SLC14A2: variants seen among roughly 807,000 people sequenced by gnomAD.
SLC14A2 encodes urea transporter 2.
Under a neutral mutation model 104.6 loss-of-function variants are expected in SLC14A2, and 91 were observed. That is an observed-to-expected ratio of 0.87 (90% CI 0.73 to 1.04). The LOEUF is 1.04. Ranked by LOEUF, SLC14A2 falls within the 50% of genes least tolerant of loss-of-function variation. The pLI, the probability that SLC14A2 is intolerant of heterozygous loss-of-function variation, is 0.00. For synonymous variants in SLC14A2, 476 were observed against 466.4 expected, an observed-to-expected ratio of 1.02 and a Z score of -0.27; for missense variants, 1,189 against 1,156.0, an observed-to-expected ratio of 1.03 and a Z score of -0.41.
chr18:45,191,498 G>A, the SLC14A2 span, among the ~76,000 whole-genome samples: 1 of 152,106 alleles, frequency 6.6e-6, no homozygotes, highest in Admixed American at 6.5e-5. Context: ...TTCAATTATG[G>A]AACAATTTCT....
At chr18:45,304,293 A>G (rs2084996325) in intron 1 of SLC14A2, among the ~76,000 whole-genome samples, 1 of 152,210 alleles carries the variant, frequency 6.6e-6, no homozygotes, top group African/African-American at 2.4e-5. Flanking sequence ...ACAATGTGAG[A>G]CTATTCCTTG....
At chr18:45,314,288 G>C (rs995846096) in intron 1 of SLC14A2, among the ~76,000 whole-genome samples, 3 of 152,170 alleles carry the variant, frequency 2.0e-5, no homozygotes, top group East Asian at 1.9e-4. Flanking sequence ...ATACACCACT[G>C]CATATGTTCT....
chr18:45,372,197 A>T (rs1439017196), intron 1 of SLC14A2, among the ~76,000 whole-genome samples: 1 of 152,088 alleles, frequency 6.6e-6, no homozygotes, highest in Non-Finnish European at 1.5e-5. Flanking sequence ...CTGTAATCCC[A>T]GCTACTCGGG....
rs557560124 is a variant in SLC14A2 at position 45,343,190 on chromosome 18, C to T, written c.-125+129999C>T. Among the ~76,000 whole-genome samples the T allele has an allele frequency of 2.7e-5, 4 of 150,640 alleles. No individual in the cohort carries two copies. In the East Asian group the frequency reaches 7.8e-4, roughly 29 times the overall value. On this transcript the variant is annotated intron_variant, in intron 1 of 20. Coordinates refer to the SLC14A2 transcript ENST00000586448. The stretch of plus-strand genomic sequence containing the variant: ...CATAAGCAAAACCCTAACCCAACTC[C>T]AAGGGAAGCTCCTCAAAGTTACCTT...
chr18:45,280,806 A>T (rs1402691155), intron 1 of SLC14A2, among the ~76,000 whole-genome samples: 1 of 152,144 alleles, frequency 6.6e-6, no homozygotes, highest in African/African-American at 2.4e-5. Flanking sequence ...TTTCCTCTTG[A>T]ATCATCTCTG....
At chr18:45,216,117 A>G (rs2084008474) in intron 1 of SLC14A2, among the ~76,000 whole-genome samples, 1 of 152,224 alleles carries the variant, frequency 6.6e-6, no homozygotes, top group South Asian at 2.1e-4. Context: ...TATAACTTCT[A>G]TCCTCACTTC....
chr18:45,563,024 T>G (rs2044221478), intron 2 of SLC14A2, among the ~76,000 whole-genome samples: 1 of 152,198 alleles, frequency 6.6e-6, no homozygotes. Context: ...TTTCTAGGTC[T>G]TTGAAAATGA....
In SLC14A2 at chr18:45,243,043, C is replaced by T. The variant is rs922268802; in HGVS notation, c.-125+29852C>T. Reference sequence around the variant, plus strand: ...TATAAGTATCATAGGATTGAAAAAACTGGGGCTCAGAAAAAACCTTAGCAA... The same window carrying T: ...TATAAGTATCATAGGATTGAAAAAATTGGGGCTCAGAAAAAACCTTAGCAA... On this transcript the variant is annotated intron_variant, in intron 1 of 20. Transcript: ENST00000586448. Among the ~76,000 whole-genome samples, 6 of 152,286 alleles carry T rather than the reference C, an allele frequency of 3.9e-5. No homozygotes were observed. In the South Asian group the frequency reaches 1.2e-3, roughly 32 times the overall value.
At chr18:45,332,266 G>A (rs946392874) in intron 1 of SLC14A2, among the ~76,000 whole-genome samples, 11 of 151,550 alleles carry the variant, frequency 7.3e-5, no homozygotes, top group Admixed American at 6.6e-4. Flanking sequence ...AAAAATATTT[G>A]AAAAAAAATT....
chr18:45,430,857 C>T (rs532359742), intron 1 of SLC14A2, among the ~76,000 whole-genome samples: 3 of 152,218 alleles, frequency 2.0e-5, no homozygotes, highest in African/African-American at 7.2e-5. Context: ...CCCATAAAGA[C>T]TAGGAGATCT....
chr18:45,222,092 C>T (rs2084068047), intron 1 of SLC14A2, among the ~76,000 whole-genome samples: 2 of 152,136 alleles, frequency 1.3e-5, no homozygotes, highest in Non-Finnish European at 2.9e-5. Context: ...TTTAACATTT[C>T]CCATAGCTTG....
chr18:45,332,386 A>T (rs946036130), intron 1 of SLC14A2, among the ~76,000 whole-genome samples: 3 of 152,234 alleles, frequency 2.0e-5, no homozygotes, highest in African/African-American at 7.2e-5. Context: ...ATCTAAAGAT[A>T]ATTAAAGTTA....
chr18:45,171,544 T>C, the SLC14A2 span, among the ~76,000 whole-genome samples: 3 of 152,150 alleles, frequency 2.0e-5, no homozygotes, highest in African/African-American at 7.2e-5. Context: ...GAAATTTAGG[T>C]AGATATGATT....
At chr18:45,570,705 C>G (rs1446629808) in intron 2 of SLC14A2, among the ~76,000 whole-genome samples, 2 of 152,236 alleles carry the variant, frequency 1.3e-5, no homozygotes, top group Admixed American at 1.3e-4. Flanking sequence ...GGCACCAGGA[C>G]CATGCACCTC....
chr18:45,348,049 A>G (rs568242859), intron 1 of SLC14A2, among the ~76,000 whole-genome samples: 1 of 152,284 alleles, frequency 6.6e-6, no homozygotes, highest in South Asian at 2.1e-4. Context: ...GAATTCGTCA[A>G]TTGAAGCTCC....
intron 1 of SLC14A2, among the ~76,000 whole-genome samples, chr18:45,621,169 G>C (rs2045161330): frequency 6.6e-6 from 1 of 152,180 alleles, no homozygotes; most frequent in African/African-American, 2.4e-5. Context: ...CAGAGGGAGA[G>C]AGCGCATTGG....
At chr18:45,544,645 G>T (rs2043941367) in intron 2 of SLC14A2, among the ~76,000 whole-genome samples, 2 of 151,616 alleles carry the variant, frequency 1.3e-5, no homozygotes, top group Non-Finnish European at 2.9e-5. Context: ...ACTACCCTTG[G>T]TTGTATATCC....
chr18:45,271,713 G>A (rs962918298), intron 1 of SLC14A2, among the ~76,000 whole-genome samples: 1 of 152,068 alleles, frequency 6.6e-6, no homozygotes, highest in African/African-American at 2.4e-5. Flanking sequence ...TTGTTAAAAT[G>A]TCCTTACTAC....
upstream of SLC14A2, among the ~76,000 whole-genome samples, chr18:45,611,326 T>C (rs2044968771): frequency 6.6e-6 from 1 of 152,216 alleles, no homozygotes. Flanking sequence ...CAAAGCCATG[T>C]TGTTCTTAGA....
Sources: gnomAD v4.1 joint callset for allele counts (sites outside exome capture counted in the v4.1 genomes callset) on GRCh38, gnomAD v4.1.1 for gene constraint, MANE v1.5 for transcripts, NCBI Gene and HGNC (gene_info 2026-07-23, HGNC 2026-07-21) for gene names.